The following KDM5D variants were observed in gnomAD, a reference collection of about 807,000 sequenced individuals.
KDM5D encodes lysine-specific demethylase 5D.
KDM5D carries 25 observed loss-of-function variants against 31.9 expected under a neutral mutation model. The observed-to-expected ratio is 0.78, with a 90% confidence interval of 0.57 to 1.09. KDM5D has a LOEUF of 1.09. KDM5D is among the 50% of genes least tolerant of loss of function. KDM5D has a pLI of 0.00. For missense variants in KDM5D, 366 were observed against 341.6 expected (o/e 1.07, Z -0.56); for synonymous variants, 146 against 122.3 (o/e 1.19, Z -1.28).
At chrY:19,735,597 C>T (rs2045504662) in intron 7 of KDM5D, 24 bp downstream of exon 7, 1 of 395,622 alleles carries the variant, frequency 2.5e-6, no homozygotes, top group African/African-American at 6.3e-5. Flanking sequence ...CCTCACACTT[C>T]CCCAATCTGT....
At chrY:19,742,360 T>C in intron 3 of KDM5D, among the ~76,000 whole-genome samples, 1 of 34,178 alleles carries the variant, frequency 2.9e-5, no homozygotes, top group Non-Finnish European at 7.3e-5. Flanking sequence ...ATCATTCATA[T>C]ACTTTCTATA....
At position 19,735,503 on chromosome Y, in the gene KDM5D, G is replaced by A. The variant is rs1476790669; in HGVS notation, c.788-6C>T. On this transcript the variant is annotated splice_polypyrimidine_tract_variant and splice_region_variant and intron_variant, in intron 7 of 26. Transcript: ENST00000317961. ...AACAGTTGGGGGGCATGTGACTAGG[G>A]AAGTAAAAAACAACTATGAAACCAA... 5.0e-6 allele frequency: 2 copies of A among 397,988 alleles called. No homozygotes were observed. Among genetic ancestry groups the A allele is most frequent in the Admixed American group, 1.5e-4 (2 of 13,446 alleles).
intron 13 of KDM5D, among the ~76,000 whole-genome samples, chrY:19,720,408 G>A: frequency 3.0e-5 from 1 of 33,296 alleles, no homozygotes; most frequent in African/African-American, 1.2e-4. Flanking sequence ...TTTCAAAGGA[G>A]AAAAGGCATA....
At chrY:19,718,609 G>A in intron 13 of KDM5D, among the ~76,000 whole-genome samples, 1 of 33,867 alleles carries the variant, frequency 3.0e-5, no homozygotes, top group Non-Finnish European at 7.3e-5. Context: ...AAGTAGACAC[G>A]GTGGTTGCAC....
chrY:19,731,461 T>C, intron 11 of KDM5D, among the ~76,000 whole-genome samples: 14 of 33,665 alleles, frequency 4.2e-4, no homozygotes, highest in Non-Finnish European at 2.2e-4. Flanking sequence ...AGTACTTGCT[T>C]TTCATAAAAA....
In KDM5D at chrY:19,716,730, A is replaced by G; in HGVS notation, c.1717-15T>C. 25 of 396,312 alleles carry G rather than the reference A, an allele frequency of 6.3e-5. No individual in the cohort carries two copies. Among genetic ancestry groups the G allele is most frequent in the Non-Finnish European group, 8.9e-5 (25 of 281,879 alleles). ...GTGCGGACAACCTAAAAAGGAGAAA[A>G]AAGCAGAAAGAGGTGTGGGTCAGAA... is the stretch of plus-strand genomic sequence containing the variant. On this transcript the variant is annotated splice_polypyrimidine_tract_variant and intron_variant, in intron 13 of 26. Transcript: ENST00000317961.
chrY:19,714,406 A>C, intron 18 of KDM5D, among the ~76,000 whole-genome samples: 1 of 33,984 alleles, frequency 2.9e-5, no homozygotes, highest in African/African-American at 1.2e-4. Flanking sequence ...AGCGTTTATT[A>C]GGTCTACAGT....
At chrY:19,730,802 A>G in intron 11 of KDM5D, among the ~76,000 whole-genome samples, 1 of 33,626 alleles carries the variant, frequency 3.0e-5, no homozygotes, top group Non-Finnish European at 7.4e-5. Flanking sequence ...TGTACTGAAT[A>G]TTATAGGCCA....
At position 19,709,692 on chromosome Y, in the gene KDM5D, C is replaced by A; in HGVS notation, c.2701G>T (p.Glu901Ter). 1 of 397,991 alleles carries A rather than the reference C, an allele frequency of 2.5e-6. No homozygotes were observed. The highest frequency in any genetic ancestry group is 3.5e-6 in the Non-Finnish European group (1 of 283,131). ...TGAAGCTGATGGGCTTCAGGCACCTCTACACCCAGCTGCTGCCCCCTCTCC... is the reference window on the plus strand; with the variant it reads ...TGAAGCTGATGGGCTTCAGGCACCTATACACCCAGCTGCTGCCCCCTCTCC... Reference protein sequence around the residue: ...LLERGQQLGVEVPEAHQLQQQ... With the variant: ...LLERGQQLGV Residue 901 changes from glutamate to a stop codon, truncating the protein, a stop_gained, in exon 20 of 27, where the codon GAG becomes TAG. Transcript: ENST00000317961. LOFTEE classifies it high-confidence loss of function.
chrY:19,722,726 G>T, intron 11 of KDM5D, among the ~76,000 whole-genome samples: 1 of 31,097 alleles, frequency 3.2e-5, no homozygotes, highest in Non-Finnish European at 7.8e-5. Flanking sequence ...AAAAGATAAA[G>T]AAAATGAAAT....
chrY:19,731,747 T>C (rs1285170318), intron 11 of KDM5D, 25 bp downstream of exon 11: 2 of 378,723 alleles, frequency 5.3e-6, no homozygotes, highest in Non-Finnish European at 7.5e-6. Flanking sequence ...TAGTTAATGT[T>C]AACATGAACT....
At position 19,706,055 on chromosome Y, in the gene KDM5D, A is replaced by C. The variant is rs1569359365; in HGVS notation, c.4560T>G (p.Ala1520=). The C allele has an allele frequency of 2.5e-6, 1 of 397,947 alleles. No homozygotes were observed. The highest frequency in any genetic ancestry group is 3.5e-6 in the Non-Finnish European group (1 of 282,943). The part of the protein sequence containing the change: ...SLQHKDSGSS[A]ACPSLMPLLQ... Reference sequence around the variant, plus strand: ...GCAAAGGCATTAAAGAAGGACAAGCAGCTGAAGAGCCTGAATCCTTGTGTT... The same window carrying C: ...GCAAAGGCATTAAAGAAGGACAAGCCGCTGAAGAGCCTGAATCCTTGTGTT... Residue 1520 remains alanine, a synonymous_variant, in exon 27 of 27, where the codon GCT becomes GCG. Transcript: ENST00000317961.
At position 19,709,659 on chromosome Y, in the gene KDM5D, C is replaced by G; in HGVS notation, c.2734G>C (p.Val912Leu). 2.5e-6 allele frequency: 1 copy of G among 397,821 alleles called. No individual in the cohort carries two copies. The highest frequency in any genetic ancestry group is 3.0e-5 in the South Asian group (1 of 33,593). ...VPEAHQLQQQ[V>L]EQAQWLDEVK... ...TCATCTAGCCATTGCGCCTGCTCCA[C>G]CTGCTGCTGAAGCTGATGGGCTTCA... The change falls in exon 20 of 27, where the codon GTG becomes CTG. Residue 912 changes from valine (V) to leucine (L), a missense_variant. By Grantham distance (32) the Val-to-Leu change is conservative. Coordinates refer to ENST00000317961, the MANE Select transcript of KDM5D (RefSeq NM_004653.5).
chrY:19,740,155 T>C (rs2045537646), intron 5 of KDM5D, among the ~76,000 whole-genome samples: 1 of 33,195 alleles, frequency 3.0e-5, no homozygotes, highest in Non-Finnish European at 7.4e-5. Context: ...TGAGACTGTC[T>C]CAAAAAACAA....
At chrY:19,721,944 A>G (rs2045398127) in intron 11 of KDM5D, 1 of 33,431 alleles carries the variant, frequency 3.0e-5, no homozygotes, top group African/African-American at 1.2e-4. Flanking sequence ...TGTCCATACT[A>G]TCCAAACTGA....
chrY:19,724,618 T>C, intron 11 of KDM5D, among the ~76,000 whole-genome samples: 3 of 33,575 alleles, frequency 8.9e-5, no homozygotes, highest in Non-Finnish European at 2.2e-4. Flanking sequence ...TCATACTGAA[T>C]GGGCAAAAAC....
At chrY:19,710,612 T>C in intron 18 of KDM5D, 140 bp from the exon 19 acceptor site, 2 of 166,717 alleles carry the variant, frequency 1.2e-5, no homozygotes, top group East Asian at 1.1e-4. Context: ...AAGTTAAGAT[T>C]TGAAAAAACA....
Position 19,741,833 on chromosome Y carries a change from A to G in KDM5D, c.253T>C (p.Tyr85His). 1 of 392,345 alleles carries G rather than the reference A, an allele frequency of 2.5e-6. No homozygotes were observed. Among genetic ancestry groups the G allele is most frequent in the Non-Finnish European group, 3.6e-6 (1 of 278,859 alleles). ...LEAQTRVKLN[Y>H]LDQIAKFWEI... ...CAGAATTTTGCAATCTGATCCAAAT[A>G]GTTCAATTTCACTCTAGTTTGGGCC... is the stretch of plus-strand genomic sequence containing the variant. Residue 85 changes from tyrosine to histidine, a missense_variant, in exon 4 of 27, where the codon TAT (tyrosine) becomes CAT (histidine). Tyr to His is a moderately conservative substitution (Grantham distance 83, BLOSUM62 2). Transcript: ENST00000317961.
chrY:19,743,321 CT>C (rs2045569532), intron 2 of KDM5D, 82 bp from the exon 3 acceptor site: 1 of 151,149 alleles, frequency 6.6e-6, no homozygotes. Context: ...TGTTCCCACT[CT>C]TTTAAAGTCT....
Sources: allele counts gnomAD v4.1 joint callset (sites outside exome capture counted in the v4.1 genomes callset), GRCh38; gene constraint gnomAD v4.1.1; transcripts MANE v1.5; gene names NCBI Gene and HGNC (gene_info 2026-07-23, HGNC 2026-07-21).